EDN1: variants seen among roughly 807,000 people sequenced by gnomAD.
EDN1 encodes endothelin 1.
A neutral mutation model predicts 21.7 loss-of-function variants in EDN1; 11 were observed. The ratio of observed to expected loss-of-function variants is 0.51; its 90% CI spans 0.32 to 0.84. The LOEUF is 0.84. EDN1 is among the 40% of genes least tolerant of loss of function. EDN1 has a pLI of 0.03. For missense variants in EDN1, 244 were observed against 262.3 expected (o/e 0.93, Z 0.48); for synonymous variants, 85 against 90.6 (o/e 0.94, Z 0.35).
the EDN1 span, among the ~76,000 whole-genome samples, chr6:12,280,716 A>T: frequency 4.6e-5 from 7 of 152,126 alleles, no homozygotes; most frequent in Non-Finnish European, 1.0e-4. Flanking sequence ...CCAACATGAC[A>T]AAACCCTGTC....
the EDN1 span, among the ~76,000 whole-genome samples, chr6:12,272,452 C>CTTTTTTTTTTTTTTTTT: frequency 1.5e-4 from 16 of 106,812 alleles, no homozygotes; most frequent in African/African-American, 5.6e-4. Context: ...GAGTCATACT[C>CTTTTTTTTTTTTTTTTT]TTTTTTTTTT....
chr6:12,271,411 T>C, the EDN1 span, among the ~76,000 whole-genome samples: 36 of 152,188 alleles, frequency 2.4e-4, no homozygotes, highest in African/African-American at 8.7e-4. Flanking sequence ...TATAATAGAC[T>C]ATTTTTAGCT....
the EDN1 span, among the ~76,000 whole-genome samples, chr6:12,271,655 T>C: frequency 6.6e-6 from 1 of 152,212 alleles, no homozygotes; most frequent in Non-Finnish European, 1.5e-5. Context: ...TAAATTTACC[T>C]CTACCAGTGA....
the EDN1 span, among the ~76,000 whole-genome samples, chr6:12,233,991 C>A: frequency 6.6e-6 from 1 of 152,194 alleles, no homozygotes; most frequent in South Asian, 2.1e-4. Context: ...CTCTCCCCAT[C>A]CCCCTCACAT....
At chr6:12,261,977 G>C in the EDN1 span, among the ~76,000 whole-genome samples, 1 of 152,156 alleles carries the variant, frequency 6.6e-6, no homozygotes, top group African/African-American at 2.4e-5. Flanking sequence ...GGGGTACAGA[G>C]CAAAGGCATC....
At chr6:12,274,949 C>CCTGA in the EDN1 span, among the ~76,000 whole-genome samples, 73 of 150,386 alleles carry the variant, frequency 4.9e-4, no homozygotes, top group African/African-American at 1.8e-3. Flanking sequence ...CTCCTTCCTT[C>CCTGA]CTTCCTTCCT....
intron 2 of EDN1, among the ~76,000 whole-genome samples, 154 bp from the exon 3 acceptor site, chr6:12,293,787 T>C (rs372983334): frequency 6.6e-6 from 1 of 152,226 alleles, no homozygotes; most frequent in Non-Finnish European, 1.5e-5. Flanking sequence ...TGCACAGGTG[T>C]TCCTGGCTGT....
At chr6:12,238,915 C>T in the EDN1 span, among the ~76,000 whole-genome samples, 1,729 of 152,282 alleles carry the variant, frequency 0.011, 34 homozygotes, top group African/African-American at 0.039. Context: ...ACAGCACTGA[C>T]GCCAATTGTT....
the EDN1 span, among the ~76,000 whole-genome samples, chr6:12,233,234 G>C: frequency 6.6e-6 from 1 of 152,094 alleles, no homozygotes; most frequent in Non-Finnish European, 1.5e-5. Context: ...ACCTTTTCCT[G>C]ATCTTTTCCA....
At chr6:12,248,786 T>C in the EDN1 span, among the ~76,000 whole-genome samples, 1 of 152,218 alleles carries the variant, frequency 6.6e-6, no homozygotes, top group Non-Finnish European at 1.5e-5. Context: ...TAAAGTTAGT[T>C]TGGATACATT....
At chr6:12,238,571 A>G in the EDN1 span, among the ~76,000 whole-genome samples, 6 of 152,172 alleles carry the variant, frequency 3.9e-5, no homozygotes, top group African/African-American at 9.7e-5. Flanking sequence ...TCCAAGGTTA[A>G]CCAATCCAAC....
At chr6:12,239,905 C>G in the EDN1 span, among the ~76,000 whole-genome samples, 4 of 150,858 alleles carry the variant, frequency 2.7e-5, no homozygotes, top group Admixed American at 6.6e-5. Flanking sequence ...AAACAGAAAA[C>G]AAAAAACAAA....
At chr6:12,288,567 G>T (rs977169436), upstream of EDN1, among the ~76,000 whole-genome samples, 2 of 152,090 alleles carry the variant, frequency 1.3e-5, no homozygotes, top group African/African-American at 4.8e-5. Context: ...TCTGGGTGTG[G>T]GTGTGGGTGT....
At chr6:12,243,684 A>G in the EDN1 span, among the ~76,000 whole-genome samples, 1 of 152,234 alleles carries the variant, frequency 6.6e-6, no homozygotes, top group African/African-American at 2.4e-5. Flanking sequence ...TTTATAAACT[A>G]TGAGCTACTT....
chr6:12,270,143 T>G, the EDN1 span, among the ~76,000 whole-genome samples: 2 of 152,100 alleles, frequency 1.3e-5, no homozygotes, highest in Admixed American at 6.6e-5. Flanking sequence ...CTTTTTTCAC[T>G]GCTGACTTTA....
At chr6:12,291,317 T>C (rs1581884090) in intron 1 of EDN1, among the ~76,000 whole-genome samples, 1 of 151,278 alleles carries the variant, frequency 6.6e-6, no homozygotes, top group South Asian at 2.1e-4. Flanking sequence ...TTTTGGCAGG[T>C]TTTTGGCACC....
chr6:12,258,881 T>C, the EDN1 span, among the ~76,000 whole-genome samples: 4 of 152,186 alleles, frequency 2.6e-5, no homozygotes, highest in Non-Finnish European at 5.9e-5. Context: ...GTGTGCAGCA[T>C]GGTACCCACA....
the EDN1 span, among the ~76,000 whole-genome samples, chr6:12,245,809 G>T: frequency 1.3e-4 from 20 of 152,344 alleles, no homozygotes; most frequent in East Asian, 1.7e-3. Context: ...GGCAGAAAGT[G>T]TTGAAGGGAA....
At chr6:12,263,385 A>T in the EDN1 span, among the ~76,000 whole-genome samples, 9 of 152,240 alleles carry the variant, frequency 5.9e-5, no homozygotes, top group African/African-American at 1.9e-4. Flanking sequence ...TGTTACAAAA[A>T]GTGGGTGTAC....
Sources: gnomAD v4.1 joint callset for allele counts (sites outside exome capture counted in the v4.1 genomes callset) on GRCh38, gnomAD v4.1.1 for gene constraint, MANE v1.5 for transcripts, NCBI Gene and HGNC (gene_info 2026-07-23, HGNC 2026-07-21) for gene names.